NOL4: variants seen among roughly 807,000 people sequenced by gnomAD.
NOL4 encodes nucleolar protein 4, also known as cancer/testis antigen 125.
A neutral mutation model predicts 75.9 loss-of-function variants in NOL4; 17 were observed. That is an observed-to-expected ratio of 0.22 (90% CI 0.15 to 0.34). NOL4 has a LOEUF of 0.34. Ranked by LOEUF, NOL4 falls within the 10% of genes least tolerant of loss-of-function variation. NOL4 has a pLI of 1.00. For missense variants in NOL4, 614 were observed against 793.5 expected, an observed-to-expected ratio of 0.77 and a Z score of 2.72; for synonymous variants, 292 against 289.9, an observed-to-expected ratio of 1.01 and a Z score of -0.07.
intron 1 of NOL4, among the ~76,000 whole-genome samples, chr18:34,155,942 A>C (rs1397846390): frequency 3.9e-5 from 6 of 152,196 alleles, no homozygotes; most frequent in African/African-American, 1.4e-4. Flanking sequence ...GCTCAAAGAA[A>C]GCAAGATTAA....
rs10669407 is a variant in NOL4, at chr18:33,868,649, T to TCACACACA, written c.1723+14587_1723+14594dup. Among the ~76,000 whole-genome samples the TCACACACA allele has an allele frequency of 6.8e-3, 940 of 137,942 alleles. 7 individuals are homozygous for TCACACACA. The highest frequency in any genetic ancestry group is 0.011 in the African/African-American group (394 of 37,450). 90.5% of individuals were successfully genotyped at this position (137,942 alleles called of 152,430 possible). ...ATGAAATATTTTAAATTCCTGTATT[T>TCACACACA]CACACACACACACACACACACACAC... On this transcript the variant is annotated intron_variant, in intron 10 of 10. Coordinates refer to ENST00000261592, the MANE Select transcript of NOL4 (RefSeq NM_003787.5).
At chr18:34,198,686 C>T (rs996069685) in intron 1 of NOL4, among the ~76,000 whole-genome samples, 1 of 151,780 alleles carries the variant, frequency 6.6e-6, no homozygotes, top group Admixed American at 6.6e-5. Flanking sequence ...TACATTTGAC[C>T]AAGCTTCTTT....
intron 1 of NOL4, among the ~76,000 whole-genome samples, chr18:34,134,879 A>G (rs1451386506): frequency 6.6e-6 from 1 of 152,218 alleles, no homozygotes; most frequent in Non-Finnish European, 1.5e-5. Flanking sequence ...GACGAATCCA[A>G]AGGAAAACTA....
intron 5 of NOL4, among the ~76,000 whole-genome samples, chr18:34,031,310 T>C (rs2075629643): frequency 6.6e-6 from 1 of 152,194 alleles, no homozygotes; most frequent in Non-Finnish European, 1.5e-5. Context: ...TAATTTATCA[T>C]GGACAACCAA....
intron 10 of NOL4, among the ~76,000 whole-genome samples, chr18:33,861,431 T>C (rs567261260): frequency 3.7e-4 from 57 of 152,328 alleles, no homozygotes; most frequent in African/African-American, 1.2e-3. Flanking sequence ...TAGAGGTGTT[T>C]GTAGTATTCT....
At chr18:34,105,952 T>C (rs184858111) in intron 2 of NOL4, among the ~76,000 whole-genome samples, 181 of 152,200 alleles carry the variant, frequency 1.2e-3, no homozygotes, top group Middle Eastern at 3.4e-3. Context: ...TAATTCCTTA[T>C]GTGAAACTGA....
At chr18:34,133,122 A>C (rs936352378) in intron 1 of NOL4, among the ~76,000 whole-genome samples, 32 of 151,940 alleles carry the variant, frequency 2.1e-4, no homozygotes, top group African/African-American at 7.5e-4. Flanking sequence ...AAAATACAAA[A>C]TTAGCTGGGT....
intron 8 of NOL4, among the ~76,000 whole-genome samples, chr18:33,952,765 A>G (rs1317041934): frequency 6.6e-6 from 1 of 152,166 alleles, no homozygotes; most frequent in African/African-American, 2.4e-5. Flanking sequence ...TCTCTACTAA[A>G]AATACAAAAG....
intron 1 of NOL4, among the ~76,000 whole-genome samples, chr18:34,137,749 T>G (rs908178712): frequency 2.7e-5 from 4 of 147,862 alleles, no homozygotes; most frequent in Non-Finnish European, 6.0e-5. Context: ...ACCAGACGAC[T>G]TGGTAAGCCA....
At chr18:34,196,975 T>C (rs1028937998) in intron 1 of NOL4, among the ~76,000 whole-genome samples, 5 of 152,028 alleles carry the variant, frequency 3.3e-5, no homozygotes, top group Non-Finnish European at 5.9e-5. Flanking sequence ...TATCAAACAA[T>C]AGGTATAGTG....
At chr18:33,936,069 A>C (rs2068036459) in intron 9 of NOL4, among the ~76,000 whole-genome samples, 1 of 152,146 alleles carries the variant, frequency 6.6e-6, no homozygotes, top group African/African-American at 2.4e-5. Context: ...AAATGTTATA[A>C]AAAGGACACA....
At chr18:33,901,387 G>T (rs1357797648) in intron 9 of NOL4, among the ~76,000 whole-genome samples, 2 of 152,074 alleles carry the variant, frequency 1.3e-5, no homozygotes, top group South Asian at 2.1e-4. Context: ...GGTTAACAGG[G>T]AAATAAATTT....
intron 2 of NOL4, among the ~76,000 whole-genome samples, chr18:34,113,599 T>C (rs1346697726): frequency 6.6e-6 from 1 of 152,068 alleles, no homozygotes; most frequent in African/African-American, 2.4e-5. Flanking sequence ...ATTATGCTAC[T>C]GCACTCCAGC....
intron 5 of NOL4, among the ~76,000 whole-genome samples, chr18:34,020,997 A>T (rs974038576): frequency 6.6e-6 from 1 of 152,104 alleles, no homozygotes; most frequent in Admixed American, 6.5e-5. Flanking sequence ...TTTTTGAGGG[A>T]TGTAATGAAA....
intron 9 of NOL4, among the ~76,000 whole-genome samples, chr18:33,885,082 A>C (rs1599740429): frequency 6.6e-6 from 1 of 152,234 alleles, no homozygotes; most frequent in East Asian, 1.9e-4. Flanking sequence ...AATAAGAAAA[A>C]AATTGAAAGG....
rs370988675 is a variant in NOL4, at chr18:33,998,606, T to C, written c.1056+20712A>G. Among the ~76,000 whole-genome samples the C allele has an allele frequency of 6.6e-5, 10 of 152,168 alleles. No homozygotes were observed. The East Asian group carries it at 9.7e-4, about 15-fold the overall frequency. On this transcript the variant is annotated intron_variant, in intron 6 of 10. Transcript: ENST00000261592. ...ACTGACTTGAAAAAGAGAAAATATATGGGGAAACAAAGATATGTGCCCATA... is the reference window on the plus strand; with the variant it reads ...ACTGACTTGAAAAAGAGAAAATATACGGGGAAACAAAGATATGTGCCCATA...
intron 5 of NOL4, among the ~76,000 whole-genome samples, chr18:34,044,970 C>A (rs776248280): frequency 6.6e-6 from 1 of 152,184 alleles, no homozygotes; most frequent in African/African-American, 2.4e-5. Context: ...TCATGCTCAC[C>A]AGACTGAGTG....
intron 6 of NOL4, among the ~76,000 whole-genome samples, chr18:33,978,853 T>TA (rs869188852): frequency 6.6e-6 from 1 of 151,898 alleles, no homozygotes; most frequent in Non-Finnish European, 1.5e-5. Flanking sequence ...TTAAGTTTTT[T>TA]AAAAAAATAT....
intron 6 of NOL4, among the ~76,000 whole-genome samples, chr18:33,993,122 C>T (rs1173812321): frequency 1.3e-5 from 2 of 151,930 alleles, no homozygotes; most frequent in Non-Finnish European, 2.9e-5. Context: ...CAGAACAAAT[C>T]TCAAACACTG....
Sources: allele counts gnomAD v4.1 joint callset (sites outside exome capture counted in the v4.1 genomes callset), GRCh38; gene constraint gnomAD v4.1.1; transcripts MANE v1.5; gene names NCBI Gene and HGNC (gene_info 2026-07-23, HGNC 2026-07-21).